TUBB8B: variants seen among roughly 807,000 people sequenced by gnomAD.
The protein encoded by TUBB8B is tubulin beta 8B, also known as HSA18p11 beta-tubulin 4Q pseudogene.
A neutral mutation model predicts 31.9 loss-of-function variants in TUBB8B; 26 were observed. The observed-to-expected ratio is 0.81, with a 90% CI of 0.60 to 1.13. The LOEUF (loss-of-function observed/expected upper bound fraction) is 1.13. TUBB8B is among the 50% of genes most tolerant of loss of function. TUBB8B has a pLI of 0.00. For missense variants in TUBB8B, 467 were observed against 586.7 expected (o/e 0.80, Z 2.11); for synonymous variants, 173 against 231.0 (o/e 0.75, Z 2.28).
chr18:50,167 C>G, upstream of TUBB8B: 1 of 215,304 alleles, frequency 4.6e-6, no homozygotes, highest in Non-Finnish European at 8.6e-6. Flanking sequence ...GCGGTCTCCA[C>G]ACAGAGTGAA....
Position 47,425 on chromosome 18 carries a change from C to A in TUBB8B, c.1300G>T (p.Glu434Ter), listed in dbSNP as rs1348242192. The A allele has an allele frequency of 3.1e-6, 4 of 1,275,590 alleles. No homozygotes were observed. Among genetic ancestry groups the A allele is most frequent in the Non-Finnish European group, 3.4e-6 (3 of 883,844 alleles). The allele number at this position is 1,275,590 out of a possible 1,614,324, so 79.0% of individuals were successfully genotyped here. The change falls in exon 4 of 4, where the codon GAG becomes TAG. Residue 434 changes from glutamate to a stop codon, truncating the protein, a stop_gained. Transcript: ENST00000308911. LOFTEE classifies it high-confidence loss of function. ...TCCTCCTCGGCATACTCCTCATCCT[C>A]CTCCTCCTCGGCCGTGGCATCCTGA... ...QYQDATAEEE[E>*]DEEYAEEEVA
chr18:53,626 A>T (rs1487868480), upstream of TUBB8B, among the ~76,000 whole-genome samples: 2 of 151,614 alleles, frequency 1.3e-5, no homozygotes, highest in Middle Eastern at 3.2e-3. Flanking sequence ...GAATCACCAC[A>T]CCCAGCTAAT....
chr18:51,697 C>A (rs1301324348), upstream of TUBB8B, among the ~76,000 whole-genome samples: 1 of 151,568 alleles, frequency 6.6e-6, no homozygotes, highest in African/African-American at 2.4e-5. Flanking sequence ...CCTTGGACTC[C>A]CAAAGTGCTG....
At chr18:69,467 C>G in the TUBB8B span, among the ~76,000 whole-genome samples, 3 of 152,206 alleles carry the variant, frequency 2.0e-5, no homozygotes, top group Admixed American at 2.0e-4. Context: ...ACACTCTCCT[C>G]CTGACTCTTC....
the TUBB8B span, among the ~76,000 whole-genome samples, chr18:59,014 C>G: frequency 0.094 from 14,246 of 151,458 alleles, 1,250 homozygotes; most frequent in East Asian, 0.45. Flanking sequence ...ATAACCAGGT[C>G]TTATGGGAAC....
chr18:66,726 G>C, the TUBB8B span, among the ~76,000 whole-genome samples: 1 of 150,752 alleles, frequency 6.6e-6, no homozygotes, highest in Admixed American at 6.6e-5. Context: ...TGTTGTTGTT[G>C]TTTTGACACT....
rs1225891954 is a variant in TUBB8B, at chr18:47,945, A to C, written c.780T>G (p.Phe260Leu). ...CGGGCATGAAGAAATGCAGCCGGGG[A>C]AACGGGACCATGTTCACGGCCAGCT... ...LRKLAVNMVP[F>L]PRLHFFMPGF... is the part of the protein sequence containing the mutation. Residue 260 changes from phenylalanine (F) to leucine (L), a missense_variant, in exon 4 of 4, where the codon TTT becomes TTG. This residue lies in a region of TUBB8B where 259 missense variants were observed against 380.1 expected (regional missense o/e 0.68). Transcript: ENST00000308911. The C allele has an allele frequency of 2.2e-5, 36 of 1,611,552 alleles. No homozygotes were observed. The highest frequency in any genetic ancestry group is 2.8e-5 in the Non-Finnish European group (33 of 1,179,942).
At chr18:73,117 C>G in the TUBB8B span, among the ~76,000 whole-genome samples, 1 of 151,494 alleles carries the variant, frequency 6.6e-6, no homozygotes, top group African/African-American at 2.4e-5. Context: ...GGTCTCTCCC[C>G]GTACCAGGGT....
At chr18:66,981 T>A in the TUBB8B span, among the ~76,000 whole-genome samples, 1 of 148,390 alleles carries the variant, frequency 6.7e-6, no homozygotes, top group East Asian at 1.9e-4. Context: ...TACAAGTTAT[T>A]TTCTTGTTTT....
chr18:59,056 G>A, the TUBB8B span, among the ~76,000 whole-genome samples: 1 of 151,732 alleles, frequency 6.6e-6, no homozygotes, highest in Non-Finnish European at 1.5e-5. Flanking sequence ...GTACCAAGTG[G>A]GATGGTGCTA....
the TUBB8B span, among the ~76,000 whole-genome samples, chr18:72,196 A>AAAAAAAAAAAAAAAAAAAAAATAAC: frequency 1.2e-5 from 1 of 84,536 alleles, no homozygotes; most frequent in Non-Finnish European, 2.4e-5. Context: ...AAAAAAAAAA[A>AAAAAAAAAAAAAAAAAAAAAATAAC]AAAGGAAAAA....
upstream of TUBB8B, among the ~76,000 whole-genome samples, chr18:51,197 C>A (rs544183202): frequency 3.7e-4 from 56 of 152,028 alleles, 1 homozygote; most frequent in South Asian, 0.011. Flanking sequence ...CATCTGTTAA[C>A]CACTCTGCCT....
the TUBB8B span, among the ~76,000 whole-genome samples, chr18:64,661 G>T: frequency 8.2e-4 from 125 of 152,208 alleles, no homozygotes; most frequent in African/African-American, 2.8e-3. Flanking sequence ...GGAGTCGGAG[G>T]TTGCTATAAG....
chr18:60,342 TTTA>T, the TUBB8B span, among the ~76,000 whole-genome samples: 1 of 151,764 alleles, frequency 6.6e-6, no homozygotes, highest in African/African-American at 2.4e-5. Context: ...CACCTTTGAT[TTTA>T]TTAATTTGTA....
chr18:62,886 C>G, the TUBB8B span, among the ~76,000 whole-genome samples: 1 of 151,710 alleles, frequency 6.6e-6, no homozygotes, highest in Non-Finnish European at 1.5e-5. Context: ...TTCAAGTTCA[C>G]TAAATCTATC....
chr18:72,751 T>G, the TUBB8B span, among the ~76,000 whole-genome samples: 57 of 152,032 alleles, frequency 3.7e-4, 1 homozygote, highest in Non-Finnish European at 1.3e-4. Context: ...GATCACCTGA[T>G]GAGGTTGGGA....
At chr18:48,646 G>A (rs1905863291) in intron 3 of TUBB8B, 199 bp from the exon 4 acceptor site, 2 of 668,756 alleles carry the variant, frequency 3.0e-6, no homozygotes, top group Non-Finnish European at 5.4e-6. Context: ...AGTCAAACCT[G>A]AGACGGGTTC....
the TUBB8B span, among the ~76,000 whole-genome samples, chr18:65,341 A>G: frequency 6.6e-6 from 1 of 152,130 alleles, no homozygotes; most frequent in South Asian, 2.1e-4. Context: ...AAATAATTGT[A>G]ATTTCATACT....
At chr18:69,498 C>A in the TUBB8B span, among the ~76,000 whole-genome samples, 330 of 152,262 alleles carry the variant, frequency 2.2e-3, 1 homozygote, top group Non-Finnish European at 2.8e-3. Context: ...ACAGAGAATT[C>A]TCTCTCTTCT....
Sources: allele counts gnomAD v4.1 joint callset (sites outside exome capture counted in the v4.1 genomes callset), GRCh38; gene constraint gnomAD v4.1.1; regional missense constraint gnomAD v4.1.1; transcripts MANE v1.5; gene names NCBI Gene and HGNC (gene_info 2026-07-23, HGNC 2026-07-21).